Variants in ATG7 observed in about 807,000 individuals in gnomAD.
The protein encoded by ATG7 is ubiquitin-like modifier-activating enzyme ATG7.
A neutral mutation model predicts 82.4 loss-of-function variants in ATG7; 70 were observed. That is an observed-to-expected ratio of 0.85 (90% CI 0.70 to 1.04). The LOEUF (loss-of-function observed/expected upper bound fraction) is 1.04. Ranked by LOEUF, ATG7 falls within the 50% of genes least tolerant of loss-of-function variation. The probability of loss-of-function intolerance (pLI) is 0.00; values close to 1 mark genes in which losing one functional copy is unlikely to be tolerated. For missense variants in ATG7, 792 were observed against 864.3 expected, an observed-to-expected ratio of 0.92 and a Z score of 1.05; for synonymous variants, 287 against 313.0, an observed-to-expected ratio of 0.92 and a Z score of 0.88.
At chr3:11,449,039 T>G (rs2084851094) in intron 20 of ATG7, among the ~76,000 whole-genome samples, 1 of 152,248 alleles carries the variant, frequency 6.6e-6, no homozygotes, top group South Asian at 2.1e-4. Context: ...CACATCATCC[T>G]TCCCTTCATT....
chr3:11,560,746 C>T (rs535326551), downstream of ATG7, among the ~76,000 whole-genome samples: 1 of 152,168 alleles, frequency 6.6e-6, no homozygotes, highest in Non-Finnish European at 1.5e-5. Context: ...TTCTTAGTGG[C>T]CCGACACTTA....
chr3:11,300,876 G>A (rs562225730), intron 5 of ATG7, among the ~76,000 whole-genome samples: 2 of 152,272 alleles, frequency 1.3e-5, no homozygotes, highest in South Asian at 4.1e-4. Flanking sequence ...TTCTGGGCAC[G>A]TTTAAGGGAG....
At chr3:11,476,597 G>T (rs2088261463) in intron 20 of ATG7, among the ~76,000 whole-genome samples, 2 of 152,032 alleles carry the variant, frequency 1.3e-5, no homozygotes, top group East Asian at 3.9e-4. Context: ...ATGATTACTG[G>T]TACAAGGTAG....
At chr3:11,330,618 A>G (rs1211814272) in intron 9 of ATG7, among the ~76,000 whole-genome samples, 1 of 152,000 alleles carries the variant, frequency 6.6e-6, no homozygotes, top group Non-Finnish European at 1.5e-5. Context: ...GCCCCGATTT[A>G]TTTTCTTGGA....
chr3:11,448,484 T>G (rs2084790312), intron 20 of ATG7, among the ~76,000 whole-genome samples: 1 of 152,214 alleles, frequency 6.6e-6, no homozygotes. Context: ...ACATGTGCCT[T>G]TAGTCTCCTC....
chr3:11,572,283 T>C, the ATG7 span, among the ~76,000 whole-genome samples: 1 of 152,194 alleles, frequency 6.6e-6, no homozygotes, highest in East Asian at 1.9e-4. Context: ...AAACTGAGCT[T>C]GAGAGAGGCT....
At chr3:11,311,762 C>T (rs543654589) in intron 7 of ATG7, among the ~76,000 whole-genome samples, 2 of 151,960 alleles carry the variant, frequency 1.3e-5, no homozygotes, top group South Asian at 4.2e-4. Context: ...ACTCATAGGA[C>T]TAGACAGTTC....
intron 2 of ATG7, 76 bp downstream of exon 2, chr3:11,281,178 C>G (rs995799445): frequency 2.6e-5 from 4 of 152,152 alleles, no homozygotes; most frequent in African/African-American, 9.7e-5. Flanking sequence ...TTAGGGCTGC[C>G]TCATACAGTT....
chr3:11,487,252 C>T (rs2089789472), intron 20 of ATG7, among the ~76,000 whole-genome samples: 3 of 105,478 alleles, frequency 2.8e-5, no homozygotes, highest in African/African-American at 3.8e-5. Context: ...ACAGACACGG[C>T]AACCATCCGA....
chr3:11,546,233 G>A (rs151215552), intron 20 of ATG7, among the ~76,000 whole-genome samples: 120 of 139,648 alleles, frequency 8.6e-4, no homozygotes, highest in Admixed American at 1.5e-3. Context: ...GTGCAGTGGC[G>A]TAATCTCGGT....
chr3:11,485,830 T>C (rs1044527287), intron 20 of ATG7, among the ~76,000 whole-genome samples: 2 of 152,208 alleles, frequency 1.3e-5, no homozygotes, highest in African/African-American at 2.4e-5. Context: ...TTTCTCAGTT[T>C]CGTCAAAGAT....
chr3:11,273,667 C>A (rs896153449), intron 1 of ATG7, among the ~76,000 whole-genome samples: 1 of 152,042 alleles, frequency 6.6e-6, no homozygotes, highest in African/African-American at 2.4e-5. Context: ...ATGAATAAAA[C>A]AAATATTTGC....
intron 19 of ATG7, among the ~76,000 whole-genome samples, chr3:11,405,948 C>G (rs2080289112): frequency 6.6e-6 from 1 of 151,532 alleles, no homozygotes; most frequent in Admixed American, 6.6e-5. Context: ...ATTTCTCTTT[C>G]CTTCCTTTCC....
intron 20 of ATG7, chr3:11,529,389 T>A (rs1329710234): frequency 6.6e-6 from 1 of 152,174 alleles, no homozygotes; most frequent in Admixed American, 6.5e-5. Context: ...AGCCTATAGA[T>A]GACATTGATT....
rs9985349 is a variant in ATG7 at position 11,549,726 on chromosome 3, T to C, written c.2080-5085T>C. 1.2e-4 allele frequency among the ~76,000 whole-genome samples: 19 copies of C among 152,264 alleles called. 1 individual carries two copies. The highest frequency in any genetic ancestry group is 4.3e-4 in the African/African-American group (18 of 41,546). ...TCTGGCTCAAGTTTTTCTGTGGACATGTGTTTTCGTTTCTTTGGAGTAAAC... is the reference window on the plus strand; with the variant it reads ...TCTGGCTCAAGTTTTTCTGTGGACACGTGTTTTCGTTTCTTTGGAGTAAAC... On this transcript the variant is annotated intron_variant, in intron 20 of 20. Coordinates refer to ENST00000693202, the MANE Select transcript of ATG7 (RefSeq NM_001349232.2).
intron 20 of ATG7, 46 bp from the exon 21 acceptor site, chr3:11,554,765 C>T (rs368255357): frequency 1.1e-4 from 174 of 1,606,784 alleles, no homozygotes; most frequent in Non-Finnish European, 1.3e-4. Flanking sequence ...TGCCCCCCAC[C>T]GGGCAGTGGG....
rs371161802 is a variant in ATG7, at chr3:11,443,893, C to A, written c.2079+16967C>A. ...ATAGAGAACAAGTATGAATTAAACA[C>A]CCAGGTCAAAAAATACTCTCGTTGC... is the stretch of plus-strand genomic sequence containing the variant. On this transcript the variant is annotated intron_variant, in intron 20 of 20. Coordinates refer to ENST00000693202, the MANE Select transcript of ATG7 (RefSeq NM_001349232.2). 7.8e-4 allele frequency among the ~76,000 whole-genome samples: 119 copies of A among 152,198 alleles called. 1 individual carries two copies. Among genetic ancestry groups the A allele is most frequent in the African/African-American group, 2.8e-3 (118 of 41,526 alleles).
the ATG7 span, among the ~76,000 whole-genome samples, chr3:11,569,105 T>C: frequency 8.4e-4 from 128 of 152,298 alleles, no homozygotes; most frequent in African/African-American, 2.7e-3. Context: ...AGCAGTGACA[T>C]TGAAAGAATC....
the ATG7 span, among the ~76,000 whole-genome samples, chr3:11,573,389 AAG>A: frequency 6.7e-6 from 1 of 149,748 alleles, no homozygotes; most frequent in South Asian, 2.1e-4. Flanking sequence ...GAAAGAAAGA[AAG>A]AAAGAAAATG....
Sources: gnomAD v4.1 joint callset for allele counts (sites outside exome capture counted in the v4.1 genomes callset) on GRCh38, gnomAD v4.1.1 for gene constraint, MANE v1.5 for transcripts, NCBI Gene and HGNC (gene_info 2026-07-23, HGNC 2026-07-21) for gene names.